The following TEKT1 variants were observed in gnomAD, a reference collection of about 807,000 sequenced individuals.
TEKT1 encodes the protein tektin-1.
A neutral mutation model predicts 34.8 loss-of-function variants in TEKT1; 32 were observed. The observed-to-expected ratio is 0.92, with a 90% CI of 0.69 to 1.23. TEKT1 has a LOEUF of 1.23. TEKT1 is among the 50% of genes most tolerant of loss of function. The pLI is 0.00. For synonymous variants in TEKT1, 207 were observed against 199.8 expected, an observed-to-expected ratio of 1.04 and a Z score of -0.30; for missense variants, 492 against 518.5, an observed-to-expected ratio of 0.95 and a Z score of 0.50.
At chr17:6,828,412 C>T (rs1177041340) in intron 2 of TEKT1, among the ~76,000 whole-genome samples, 2 of 152,164 alleles carry the variant, frequency 1.3e-5, no homozygotes, top group African/African-American at 2.4e-5. Flanking sequence ...GTCCTCAGAC[C>T]AGGTTTGATC....
intron 6 of TEKT1, among the ~76,000 whole-genome samples, chr17:6,803,267 G>T (rs1291682688): frequency 1.3e-5 from 2 of 152,174 alleles, no homozygotes; most frequent in African/African-American, 4.8e-5. Flanking sequence ...CTTTTGAGAA[G>T]TGTCTGTTCA....
chr17:6,801,637 G>C (rs1976774511), intron 6 of TEKT1, among the ~76,000 whole-genome samples: 1 of 152,244 alleles, frequency 6.6e-6, no homozygotes, highest in South Asian at 2.1e-4. Flanking sequence ...GAACCCAGGA[G>C]GCGGAGGTTG....
At chr17:6,810,215 A>T (rs1176328213) in intron 6 of TEKT1, among the ~76,000 whole-genome samples, 1 of 152,148 alleles carries the variant, frequency 6.6e-6, no homozygotes, top group Non-Finnish European at 1.5e-5. Flanking sequence ...GCAATTCCCT[A>T]ATGACATAGG....
chr17:6,818,336 C>T (rs1977036971), intron 3 of TEKT1, among the ~76,000 whole-genome samples: 1 of 152,150 alleles, frequency 6.6e-6, no homozygotes, highest in Admixed American at 6.5e-5. Context: ...AGCAAGAAGA[C>T]CTGTTAGGGC....
At chr17:6,812,646 C>T (rs113448884) in intron 6 of TEKT1, among the ~76,000 whole-genome samples, 185 bp downstream of exon 6, 5 of 152,176 alleles carry the variant, frequency 3.3e-5, no homozygotes, top group South Asian at 2.1e-4. Context: ...GGCAAAGTCC[C>T]GCTCCAGTCC....
chr17:6,801,159 C>T (rs772924349), intron 6 of TEKT1, among the ~76,000 whole-genome samples: 13 of 152,148 alleles, frequency 8.5e-5, no homozygotes, highest in Non-Finnish European at 1.2e-4. Flanking sequence ...AGGGACAGGA[C>T]GGGCCATTGT....
intron 6 of TEKT1, among the ~76,000 whole-genome samples, chr17:6,807,881 G>T (rs985846911): frequency 1.6e-4 from 25 of 152,174 alleles, no homozygotes; most frequent in Non-Finnish European, 2.6e-4. Flanking sequence ...TGCCCCTACT[G>T]GGGGGTGCCT....
In TEKT1 at chr17:6,813,551, G is replaced by GACACACACACAC. The variant is rs34316443; in HGVS notation, c.630-510_630-499dup. 1.2e-3 allele frequency among the ~76,000 whole-genome samples: 160 copies of GACACACACACAC among 135,186 alleles called. 2 individuals carry two copies. The highest frequency in any genetic ancestry group is 4.1e-3 in the African/African-American group (145 of 35,174). The allele number at this position is 135,186 out of a possible 152,430, so 88.7% of individuals were successfully genotyped here. On this transcript the variant is annotated intron_variant, in intron 5 of 7. Transcript: ENST00000338694. ...AAATAATGTTAATTGGAAGAAACCA[G>GACACACACACAC]ACACACACACACACACACACACACA... is the stretch of plus-strand genomic sequence containing the variant.
Position 6,830,186 on chromosome 17 carries a change from C to T in TEKT1, c.190+1G>A. 1 of 1,608,020 alleles carries T rather than the reference C, an allele frequency of 6.2e-7. No homozygotes were observed. Among genetic ancestry groups the T allele is most frequent in the Non-Finnish European group, 8.5e-7 (1 of 1,178,802 alleles). On this transcript the variant is annotated splice_donor_variant, in intron 2 of 7. Coordinates refer to ENST00000338694, the MANE Select transcript of TEKT1 (RefSeq NM_053285.2). LOFTEE classifies it high-confidence loss of function. ...CGAATATGCCAAGCATGTTGTCTTACCTAGTTTCTTGTTCACATCGCTTTG... is the reference window on the plus strand; with the variant it reads ...CGAATATGCCAAGCATGTTGTCTTATCTAGTTTCTTGTTCACATCGCTTTG...
chr17:6,807,477 C>G (rs1976862747), intron 6 of TEKT1, among the ~76,000 whole-genome samples: 1 of 152,240 alleles, frequency 6.6e-6, no homozygotes, highest in Non-Finnish European at 1.5e-5. Flanking sequence ...TTGTCAAAGT[C>G]ATTCTCCATT....
chr17:6,822,161 G>C (rs903531070), intron 2 of TEKT1, among the ~76,000 whole-genome samples: 1 of 152,056 alleles, frequency 6.6e-6, no homozygotes, highest in African/African-American at 2.4e-5. Context: ...TTTAGAGACA[G>C]GATCTCACTC....
chr17:6,829,138 G>A (rs368479762), intron 2 of TEKT1, among the ~76,000 whole-genome samples: 1 of 152,310 alleles, frequency 6.6e-6, no homozygotes, highest in East Asian at 1.9e-4. Context: ...GTGATGGAGC[G>A]AGACTCTGTC....
chr17:6,815,824 AG>A lies in TEKT1; in HGVS notation c.485+9del, dbSNP rs1350191116. On this transcript the variant is annotated intron_variant, in intron 4 of 7. Coordinates refer to ENST00000338694, the MANE Select transcript of TEKT1 (RefSeq NM_053285.2). Reference sequence around the variant, plus strand: ...AGTGGAGATTTGGAGGGCAGGCCGAAGAGTCATACCGAATCTGCTCGGAAGC... The same window carrying A: ...AGTGGAGATTTGGAGGGCAGGCCGAAAGTCATACCGAATCTGCTCGGAAGC... The A allele has an allele frequency of 6.2e-7, 1 of 1,613,974 alleles. No homozygotes were observed. The highest frequency in any genetic ancestry group is 1.3e-5 in the African/African-American group (1 of 75,034).
At chr17:6,828,100 AT>A (rs963226608) in intron 2 of TEKT1, among the ~76,000 whole-genome samples, 8 of 152,140 alleles carry the variant, frequency 5.3e-5, no homozygotes, top group African/African-American at 1.4e-4. Context: ...GCATGCCACC[AT>A]GCCCCACTAA....
intron 6 of TEKT1, among the ~76,000 whole-genome samples, chr17:6,809,573 C>T (rs1976898386): frequency 6.6e-6 from 1 of 152,194 alleles, no homozygotes; most frequent in South Asian, 2.1e-4. Context: ...CATGTATCCA[C>T]TTTACAATAT....
chr17:6,816,207 TTC>T (rs1236665388), intron 3 of TEKT1, among the ~76,000 whole-genome samples: 1 of 152,170 alleles, frequency 6.6e-6, no homozygotes, highest in Non-Finnish European at 1.5e-5. Context: ...GGACTTTTTT[TTC>T]TCTCTCTCTT....
At chr17:6,820,678 C>T (rs34968118) in intron 2 of TEKT1, among the ~76,000 whole-genome samples, 5,314 of 152,220 alleles carry the variant, frequency 0.035, 139 homozygotes, top group Non-Finnish European at 0.056. Flanking sequence ...AGCATCTTCT[C>T]CTCCTGCTGG....
chr17:6,803,960 T>C (rs918149846), intron 6 of TEKT1, among the ~76,000 whole-genome samples: 1 of 152,112 alleles, frequency 6.6e-6, no homozygotes, highest in Non-Finnish European at 1.5e-5. Context: ...TTTGGTTCCA[T>C]ATGGACTTTA....
At chr17:6,818,004 G>C (rs1437860100) in intron 3 of TEKT1, among the ~76,000 whole-genome samples, 1 of 152,130 alleles carries the variant, frequency 6.6e-6, no homozygotes, top group East Asian at 1.9e-4. Context: ...CCTGGTTCCT[G>C]CAACGGGTCC....
Sources: gnomAD v4.1 joint callset for allele counts (sites outside exome capture counted in the v4.1 genomes callset) on GRCh38, gnomAD v4.1.1 for gene constraint, MANE v1.5 for transcripts, NCBI Gene and HGNC (gene_info 2026-07-23, HGNC 2026-07-21) for gene names.